The following FBXL7 variants were observed in gnomAD, a reference collection of about 807,000 sequenced individuals.
The protein encoded by FBXL7 is F-box/LRR-repeat protein 7.
In FBXL7, 12 loss-of-function variants were observed where a neutral mutation model predicts 38.3. The ratio of observed to expected loss-of-function variants is 0.31; its 90% CI spans 0.20 to 0.51. FBXL7 has a LOEUF of 0.51. Among genes scored for constraint, FBXL7 ranks in the 20% least tolerant of loss-of-function variants. FBXL7 has a pLI of 0.98. For synonymous variants in FBXL7, 297 were observed against 300.9 expected (o/e 0.99, Z 0.13); for missense variants, 567 against 676.4 (o/e 0.84, Z 1.79).
At position 15,928,168 on chromosome 5, in the gene FBXL7, C is replaced by G. The variant is rs1467025563; in HGVS notation, c.406C>G (p.Arg136Gly). 1 of 1,609,888 alleles carries G rather than the reference C, an allele frequency of 6.2e-7. No individual in the cohort carries two copies. Among genetic ancestry groups the G allele is most frequent in the African/African-American group, 1.3e-5 (1 of 74,812 alleles). ...FSFLPTNQLCRCARVCRRWYN... is the reference protein window; with the variant it reads ...FSFLPTNQLCGCARVCRRWYN... Reference sequence around the variant, plus strand: ...CTTCCTGCCCACCAACCAGCTGTGCCGCTGCGCGCGAGTGTGCCGCCGCTG... The same window carrying G: ...CTTCCTGCCCACCAACCAGCTGTGCGGCTGCGCGCGAGTGTGCCGCCGCTG... Residue 136 changes from arginine to glycine, a missense_variant, in exon 3 of 4, where the codon CGC (arginine) becomes GGC (glycine). Coordinates refer to ENST00000504595, the MANE Select transcript of FBXL7 (RefSeq NM_012304.5). The surrounding 1 kb of genome is among the most constrained non-coding windows in gnomAD (Gnocchi z 4.0).
At chr5:15,835,648 A>G (rs1310653451) in intron 2 of FBXL7, among the ~76,000 whole-genome samples, 2 of 152,178 alleles carry the variant, frequency 1.3e-5, no homozygotes, top group African/African-American at 2.4e-5. Context: ...GTCACGCAGT[A>G]TAGAACATGA....
intron 2 of FBXL7, among the ~76,000 whole-genome samples, chr5:15,819,777 T>C (rs1256155493): frequency 6.6e-6 from 1 of 152,166 alleles, no homozygotes; most frequent in Non-Finnish European, 1.5e-5. Flanking sequence ...ACCAGCCCTG[T>C]ACTTCACCGC....
At chr5:15,888,018 A>C (rs192125962) in intron 2 of FBXL7, among the ~76,000 whole-genome samples, 10 of 152,260 alleles carry the variant, frequency 6.6e-5, no homozygotes, top group Admixed American at 5.9e-4. Flanking sequence ...ATCCTTGAAC[A>C]CTTTTCCTCA....
chr5:15,869,619 G>C (rs1739865562), intron 2 of FBXL7, among the ~76,000 whole-genome samples: 1 of 152,108 alleles, frequency 6.6e-6, no homozygotes, highest in Non-Finnish European at 1.5e-5. Context: ...TCCCTAAATA[G>C]AGATTTTTAT....
intron 2 of FBXL7, among the ~76,000 whole-genome samples, chr5:15,790,680 G>A (rs962663174): frequency 7.9e-5 from 12 of 152,174 alleles, no homozygotes; most frequent in African/African-American, 2.9e-4. Flanking sequence ...TTGAGAATCT[G>A]TAATGCACCT....
intron 2 of FBXL7, among the ~76,000 whole-genome samples, chr5:15,824,882 A>G (rs1023493952): frequency 7.2e-5 from 11 of 152,314 alleles, no homozygotes; most frequent in East Asian, 3.9e-4. Flanking sequence ...TGTCAGGCCA[A>G]TCTTTTCAGT....
chr5:15,738,594 C>T (rs1026805080), intron 2 of FBXL7, among the ~76,000 whole-genome samples: 1 of 152,302 alleles, frequency 6.6e-6, no homozygotes, highest in Middle Eastern at 3.4e-3. Context: ...TTTTCACTCT[C>T]TTCCTTGAAT....
At chr5:15,857,933 A>T (rs974787693) in intron 2 of FBXL7, among the ~76,000 whole-genome samples, 1 of 152,158 alleles carries the variant, frequency 6.6e-6, no homozygotes, top group Admixed American at 6.6e-5. Flanking sequence ...TCATGTCTCT[A>T]TTTTGAGGAC....
At chr5:15,877,778 G>C (rs146854362) in intron 2 of FBXL7, among the ~76,000 whole-genome samples, 27 of 152,182 alleles carry the variant, frequency 1.8e-4, no homozygotes, top group African/African-American at 5.3e-4. Flanking sequence ...ATTTTTGCGG[G>C]TCTGATCACC....
chr5:15,647,989 C>T (rs182750872), intron 2 of FBXL7, among the ~76,000 whole-genome samples: 8 of 152,306 alleles, frequency 5.3e-5, no homozygotes, highest in Admixed American at 3.9e-4. Flanking sequence ...CTGGAATGCT[C>T]CAGGAGAATG....
At chr5:15,657,798 A>G (rs1209313304) in intron 2 of FBXL7, among the ~76,000 whole-genome samples, 1 of 151,978 alleles carries the variant, frequency 6.6e-6, no homozygotes, top group Non-Finnish European at 1.5e-5. Flanking sequence ...AGATCACGGC[A>G]TTGCACTCCA....
intron 2 of FBXL7, among the ~76,000 whole-genome samples, chr5:15,806,202 G>T (rs1579479079): frequency 6.6e-6 from 1 of 152,070 alleles, no homozygotes; most frequent in African/African-American, 2.4e-5. Context: ...TTGTTTAGAG[G>T]TTATACAAGC....
intron 2 of FBXL7, among the ~76,000 whole-genome samples, chr5:15,851,703 A>G (rs1739098363): frequency 6.6e-6 from 1 of 152,020 alleles, no homozygotes; most frequent in Admixed American, 6.6e-5. Flanking sequence ...AGAGTCAGGT[A>G]GTTAATATAG....
At chr5:15,861,506 C>A (rs1161000105) in intron 2 of FBXL7, among the ~76,000 whole-genome samples, 1 of 152,198 alleles carries the variant, frequency 6.6e-6, no homozygotes, top group African/African-American at 2.4e-5. Context: ...TATACTGACT[C>A]AGTGGGAAAC....
At chr5:15,858,502 G>A (rs1051620028) in intron 2 of FBXL7, among the ~76,000 whole-genome samples, 1 of 152,074 alleles carries the variant, frequency 6.6e-6, no homozygotes, top group Non-Finnish European at 1.5e-5. Flanking sequence ...AATTCTTTGA[G>A]GGCATTTATT....
chr5:15,522,075 C>A (rs1195284187), intron 1 of FBXL7, among the ~76,000 whole-genome samples: 3 of 152,174 alleles, frequency 2.0e-5, no homozygotes, highest in Non-Finnish European at 4.4e-5. Context: ...CTATGTAAAT[C>A]CCCCATGGGA....
intron 2 of FBXL7, among the ~76,000 whole-genome samples, chr5:15,886,419 G>T (rs995797213): frequency 1.3e-5 from 2 of 152,104 alleles, no homozygotes; most frequent in Non-Finnish European, 2.9e-5. Flanking sequence ...GTAAAATCAG[G>T]CAAAGGGACT....
intron 2 of FBXL7, among the ~76,000 whole-genome samples, chr5:15,825,881 C>T (rs1738296884): frequency 6.6e-6 from 1 of 152,184 alleles, no homozygotes; most frequent in Non-Finnish European, 1.5e-5. Flanking sequence ...AGGAGAAACT[C>T]AACGGTTTGA....
intron 1 of FBXL7, among the ~76,000 whole-genome samples, chr5:15,609,347 A>T (rs906528013): frequency 3.3e-5 from 5 of 152,210 alleles, no homozygotes; most frequent in Non-Finnish European, 5.9e-5. Flanking sequence ...GGGGAGGGAA[A>T]TGAGGCTTCA....
Sources: allele counts gnomAD v4.1 joint callset (sites outside exome capture counted in the v4.1 genomes callset), GRCh38; gene constraint gnomAD v4.1.1; non-coding constraint Gnocchi (gnomAD v3.1); transcripts MANE v1.5; gene names NCBI Gene and HGNC (gene_info 2026-07-23, HGNC 2026-07-21).